Variants in VRK2 observed in about 807,000 individuals in gnomAD.
The protein encoded by VRK2 is serine/threonine-protein kinase VRK2.
Under a neutral mutation model 57.6 loss-of-function variants are expected in VRK2, and 60 were observed. The ratio of observed to expected loss-of-function variants is 1.04; its 90% confidence interval spans 0.85 to 1.29. VRK2 has a LOEUF of 1.29. VRK2 is among the 50% of genes most tolerant of loss of function. VRK2 has a pLI of 0.00. For synonymous variants in VRK2, 231 were observed against 199.2 expected (o/e 1.16, Z -1.35); for missense variants, 705 against 588.1 (o/e 1.20, Z -2.06).
At chr2:58,144,030 TA>T (rs1681741867) in intron 11 of VRK2, among the ~76,000 whole-genome samples, 1 of 151,176 alleles carries the variant, frequency 6.6e-6, no homozygotes, top group Non-Finnish European at 1.5e-5. Context: ...TATATATACA[TA>T]TATACACACA....
chr2:58,049,108 ATAGAG>A (rs765298968), intron 2 of VRK2, 141 bp downstream of exon 2: 3 of 1,095,910 alleles, frequency 2.7e-6, no homozygotes, highest in African/African-American at 1.6e-5. Context: ...TTAAGTAATA[ATAGAG>A]TACAGTGTCT....
chr2:58,022,473 G>C (rs972765167), intron 1 of VRK2, among the ~76,000 whole-genome samples: 3 of 152,208 alleles, frequency 2.0e-5, no homozygotes, highest in Non-Finnish European at 4.4e-5. Context: ...CAACAAGGCA[G>C]ATTTTGTAAA....
intron 8 of VRK2, among the ~76,000 whole-genome samples, chr2:58,126,067 T>C (rs1359169636): frequency 1.3e-5 from 2 of 151,866 alleles, no homozygotes; most frequent in Non-Finnish European, 2.9e-5. Flanking sequence ...CACTATGTAA[T>C]CTCAGAAAAA....
intron 1 of VRK2, among the ~76,000 whole-genome samples, chr2:57,994,970 C>G (rs1672882045): frequency 6.6e-6 from 1 of 151,874 alleles, no homozygotes; most frequent in Non-Finnish European, 1.5e-5. Context: ...TGATATCTTC[C>G]CTGTGATTAA....
intron 1 of VRK2, among the ~76,000 whole-genome samples, chr2:57,950,400 C>G (rs1173884101): frequency 6.6e-6 from 1 of 152,196 alleles, no homozygotes; most frequent in Non-Finnish European, 1.5e-5. Flanking sequence ...AAGAATCATG[C>G]TGAATATACT....
chr2:58,132,872 C>G (rs1679420777), intron 9 of VRK2, among the ~76,000 whole-genome samples: 1 of 152,118 alleles, frequency 6.6e-6, no homozygotes, highest in Admixed American at 6.5e-5. Flanking sequence ...TTTGATCATC[C>G]TAGTCCCTTA....
intron 2 of VRK2, among the ~76,000 whole-genome samples, chr2:58,061,343 G>A (rs1216407005): frequency 1.3e-5 from 2 of 151,892 alleles, no homozygotes; most frequent in Non-Finnish European, 2.9e-5. Context: ...AATGAAATAA[G>A]TATGTAATAT....
intron 1 of VRK2, among the ~76,000 whole-genome samples, chr2:57,963,718 C>A (rs1270605153): frequency 6.6e-6 from 1 of 152,186 alleles, no homozygotes; most frequent in Non-Finnish European, 1.5e-5. Context: ...TACACATTGA[C>A]TGACTTTGAA....
chr2:57,995,454 T>C (rs536554768), intron 1 of VRK2, among the ~76,000 whole-genome samples: 1 of 152,216 alleles, frequency 6.6e-6, no homozygotes, highest in East Asian at 1.9e-4. Flanking sequence ...ATACTGTGAG[T>C]TGTTTTCCTT....
At chr2:57,925,898 T>C (rs978249124) in intron 1 of VRK2, among the ~76,000 whole-genome samples, 20 of 152,030 alleles carry the variant, frequency 1.3e-4, no homozygotes, top group Non-Finnish European at 2.4e-4. Flanking sequence ...CTGCTTTCAC[T>C]ATATCCCATA....
intron 1 of VRK2, among the ~76,000 whole-genome samples, chr2:57,991,000 A>G (rs1672749131): frequency 6.6e-6 from 1 of 152,216 alleles, no homozygotes; most frequent in Non-Finnish European, 1.5e-5. Context: ...TGGGAAAAAA[A>G]GACATACTTG....
chr2:58,048,899 A>G lies in VRK2; in HGVS notation c.68A>G (p.Asp23Gly). 2 of 1,614,046 alleles carry G rather than the reference A, an allele frequency of 1.2e-6. No individual in the cohort carries two copies. Among genetic ancestry groups the G allele is most frequent in the Non-Finnish European group, 1.7e-6 (2 of 1,179,950 alleles). The stretch of plus-strand genomic sequence containing the variant: ...TTTCCAGAAGGCAAGGTTCTGGATG[A>G]TATGGAAGGCAATCAGTGGGTACTG... The part of the protein sequence containing the change: ...IPFPEGKVLD[D>G]MEGNQWVLGK... The change falls in exon 2 of 13, where the codon GAT becomes GGT. Residue 23 changes from aspartate (D) to glycine (G), a missense_variant. Physicochemically the swap from Asp to Gly is moderately conservative, Grantham distance 94. Coordinates refer to ENST00000340157, the MANE Select transcript of VRK2 (RefSeq NM_006296.7).
chr2:57,940,623 A>C (rs1465924388), intron 1 of VRK2, among the ~76,000 whole-genome samples: 1 of 152,024 alleles, frequency 6.6e-6, no homozygotes, highest in Non-Finnish European at 1.5e-5. Flanking sequence ...AAGGTCAAAC[A>C]TTTTCCAGTC....
chr2:57,952,955 G>A (rs1671473606), intron 1 of VRK2, among the ~76,000 whole-genome samples: 1 of 152,126 alleles, frequency 6.6e-6, no homozygotes. Context: ...CATTTTCTGA[G>A]CTTCTCGTCA....
At chr2:58,013,917 A>G (rs888059668) in intron 1 of VRK2, among the ~76,000 whole-genome samples, 1 of 152,012 alleles carries the variant, frequency 6.6e-6, no homozygotes, top group Non-Finnish European at 1.5e-5. Flanking sequence ...ACTGATTAAA[A>G]TATTCATAAT....
chr2:58,116,029 T>G (rs1261495513), intron 7 of VRK2, among the ~76,000 whole-genome samples: 2 of 152,190 alleles, frequency 1.3e-5, no homozygotes, highest in Non-Finnish European at 2.9e-5. Context: ...TGAACTAACT[T>G]TTAAGCCTTG....
intron 1 of VRK2, among the ~76,000 whole-genome samples, chr2:57,923,993 T>C (rs992915968): frequency 2.6e-5 from 4 of 152,028 alleles, no homozygotes; most frequent in East Asian, 1.9e-4. Context: ...CTTTCCATAA[T>C]GTATGTTCTT....
At chr2:58,032,907 A>G (rs559838633) in intron 2 of VRK2, among the ~76,000 whole-genome samples, 2 of 152,220 alleles carry the variant, frequency 1.3e-5, no homozygotes, top group East Asian at 1.9e-4. Context: ...ATCTGTAAGT[A>G]GCAAATCTGC....
chr2:57,975,152 C>T (rs1006397109), intron 1 of VRK2, among the ~76,000 whole-genome samples: 3 of 151,556 alleles, frequency 2.0e-5, no homozygotes, highest in Non-Finnish European at 2.9e-5. Flanking sequence ...TTTGTGAAAA[C>T]GATGTTCTAT....
Sources: gnomAD v4.1 joint callset for allele counts (sites outside exome capture counted in the v4.1 genomes callset) on GRCh38, gnomAD v4.1.1 for gene constraint, MANE v1.5 for transcripts, NCBI Gene and HGNC (gene_info 2026-07-23, HGNC 2026-07-21) for gene names.